The following SOAT1 variants were observed in gnomAD, a reference collection of about 807,000 sequenced individuals.
The protein encoded by SOAT1 is acyl-coenzyme A:cholesterol acyltransferase 1.
In SOAT1, 55 loss-of-function variants were observed where a neutral mutation model predicts 69.5. That is an observed-to-expected ratio of 0.79 (90% confidence interval 0.64 to 0.99). SOAT1 has a LOEUF of 0.99. Ranked by LOEUF, SOAT1 falls within the 50% of genes least tolerant of loss-of-function variation. The probability of loss-of-function intolerance (pLI) is 0.00; values close to 1 mark genes in which losing one functional copy is unlikely to be tolerated. For missense variants in SOAT1, 580 were observed against 669.3 expected, an observed-to-expected ratio of 0.87 and a Z score of 1.47; for synonymous variants, 231 against 224.7, an observed-to-expected ratio of 1.03 and a Z score of -0.25.
At chr1:179,327,399 C>T (rs1665829417) in intron 3 of SOAT1, among the ~76,000 whole-genome samples, 1 of 152,126 alleles carries the variant, frequency 6.6e-6, no homozygotes. Flanking sequence ...TCTCCAAGGT[C>T]CCTTTTAGCT....
At chr1:179,351,033 T>C (rs1217639300) in intron 14 of SOAT1, among the ~76,000 whole-genome samples, 82 of 3,994 alleles carry the variant, frequency 0.021, no homozygotes, top group Middle Eastern at 0.071. Context: ...TTTTTTTTTT[T>C]TTTTTTTTTT....
At chr1:179,295,009 T>C (rs1438544950) in intron 1 of SOAT1, among the ~76,000 whole-genome samples, 1 of 152,102 alleles carries the variant, frequency 6.6e-6, no homozygotes, top group African/African-American at 2.4e-5. Flanking sequence ...CTGTGCGTTG[T>C]CTGGGTGTGA....
In SOAT1 at chr1:179,324,637, A is replaced by G. The variant is rs575164371; in HGVS notation, c.177+1142A>G. Among the ~76,000 whole-genome samples the G allele has an allele frequency of 7.9e-5, 12 of 152,338 alleles. No individual in the cohort carries two copies. In the East Asian group the frequency reaches 2.3e-3, roughly 29 times the overall value. On this transcript the variant is annotated intron_variant, in intron 3 of 15. Coordinates refer to ENST00000367619, the MANE Select transcript of SOAT1 (RefSeq NM_003101.6). ...GTTACCTTTGTAAGCCTCCAGCACT[A>G]CAGTGATGAAGATCATTTCTGATGA...
At chr1:179,336,095 C>T (rs11810201) in intron 4 of SOAT1, among the ~76,000 whole-genome samples, 38,950 of 148,596 alleles carry the variant, frequency 0.26, 5,198 homozygotes, top group East Asian at 0.46. Context: ...ACCTAGGAGG[C>T]GGGGGTTGCA....
chr1:179,339,695 T>C, intron 6 of SOAT1, 150 bp downstream of exon 6: 1 of 535,446 alleles, frequency 1.9e-6, no homozygotes, highest in African/African-American at 2.0e-5. Flanking sequence ...CTGAAAAGTT[T>C]AACTGATGGA....
At position 179,347,611 on chromosome 1, in the gene SOAT1, C is replaced by G; in HGVS notation, c.1129C>G (p.Leu377Val). The change falls in exon 12 of 16, where the codon CTC becomes GTC. Residue 377 changes from leucine (L) to valine (V), a missense_variant. Transcript: ENST00000367619. ...FNSILPGVLI[L>V]FLTFFAFLHC... is the part of the protein sequence containing the mutation. The stretch of plus-strand genomic sequence containing the variant: ...AATCTTATTTTTAGGTGTGCTGATT[C>G]TCTTCCTTACTTTTTTTGCCTTTTT... 1.2e-6 allele frequency: 2 copies of G among 1,608,258 alleles called. No homozygotes were observed. Among genetic ancestry groups the G allele is most frequent in the Non-Finnish European group, 1.7e-6 (2 of 1,175,422 alleles).
At position 179,350,413 on chromosome 1, in the gene SOAT1, C is replaced by T. The variant is rs922441842; in HGVS notation, c.1432C>T (p.Leu478Phe). Reference sequence around the variant, plus strand: ...CTTTTTCTATCCCGTGCTCTTCGTGCTCTTCATGTTCTTTGGAAGTAAGTA... The same window carrying T: ...CTTTTTCTATCCCGTGCTCTTCGTGTTCTTCATGTTCTTTGGAAGTAAGTA... ...LSFFYPVLFV[L>F]FMFFGMAFNF... Residue 478 changes from leucine to phenylalanine, a missense_variant, in exon 14 of 16, where the codon CTC (leucine) becomes TTC (phenylalanine). Transcript: ENST00000367619. 3 of 1,613,816 alleles carry T rather than the reference C, an allele frequency of 1.9e-6. No individual in the cohort carries two copies. In the African/African-American group the frequency reaches 4.0e-5, roughly 22 times the overall value.
intron 2 of SOAT1, among the ~76,000 whole-genome samples, chr1:179,304,309 C>G (rs1342820414): frequency 7.1e-6 from 1 of 141,266 alleles, no homozygotes; most frequent in Non-Finnish European, 1.5e-5. Flanking sequence ...GACAGTTTTG[C>G]TTTTGTTGCC....
chr1:179,306,294 G>T (rs1571406759), intron 2 of SOAT1, among the ~76,000 whole-genome samples: 4 of 152,320 alleles, frequency 2.6e-5, no homozygotes, highest in Admixed American at 6.5e-5. Flanking sequence ...GGACCCTCCA[G>T]TGGGCCCAGG....
intron 1 of SOAT1, among the ~76,000 whole-genome samples, chr1:179,295,156 A>G (rs10798656): frequency 6.3e-4 from 96 of 152,018 alleles, no homozygotes; most frequent in African/African-American, 2.1e-3. Flanking sequence ...AGCACACTCT[A>G]TCTCTGGTTC....
intron 11 of SOAT1, among the ~76,000 whole-genome samples, chr1:179,345,365 C>T (rs1343283024): frequency 6.6e-6 from 1 of 152,134 alleles, no homozygotes; most frequent in Non-Finnish European, 1.5e-5. Flanking sequence ...TAATCTTGCT[C>T]CTGATTCCAC....
At chr1:179,329,416 C>T (rs1571433384) in intron 3 of SOAT1, among the ~76,000 whole-genome samples, 1 of 152,144 alleles carries the variant, frequency 6.6e-6, no homozygotes, top group Admixed American at 6.5e-5. Flanking sequence ...TTCAGTCATT[C>T]AAGTAACGCC....
At chr1:179,353,549 A>T (rs1429421383) in intron 15 of SOAT1, 36 bp from the exon 16 acceptor site, 2 of 1,585,522 alleles carry the variant, frequency 1.3e-6, no homozygotes, top group Non-Finnish European at 1.7e-6. Context: ...CTCTGTACAC[A>T]AATTATTTTT....
rs1666901896 is a variant in SOAT1 at position 179,356,252 on chromosome 1, T to C, written c.*2611T>C. The C allele has an allele frequency of 6.6e-6, 1 of 152,198 alleles. No individual in the cohort carries two copies. Among genetic ancestry groups the C allele is most frequent in the South Asian group, 2.1e-4 (1 of 4,836 alleles). 9.4% of individuals were successfully genotyped at this position (152,198 alleles called of 1,614,324 possible). Reference sequence around the variant, plus strand: ...GGCATATTAACCAACAGAACAATTATGTAGTATGTATATCACTTTCTCATT... The same window carrying C: ...GGCATATTAACCAACAGAACAATTACGTAGTATGTATATCACTTTCTCATT... On this transcript the variant is annotated 3_prime_UTR_variant, in exon 16 of 16. Transcript: ENST00000367619.
intron 1 of SOAT1, among the ~76,000 whole-genome samples, chr1:179,298,636 G>A (rs1400914499): frequency 6.6e-6 from 1 of 152,044 alleles, no homozygotes; most frequent in Non-Finnish European, 1.5e-5. Flanking sequence ...CGGGCTAAAT[G>A]TTTTTTGGGT....
At chr1:179,317,423 C>T (rs1329882304) in intron 2 of SOAT1, among the ~76,000 whole-genome samples, 1 of 151,010 alleles carries the variant, frequency 6.6e-6, no homozygotes, top group Non-Finnish European at 1.5e-5. Context: ...GTCCCAGCTA[C>T]TTGGGATGCT....
chr1:179,335,855 T>G lies in SOAT1; in HGVS notation c.329+198T>G, dbSNP rs145916520. Among the ~76,000 whole-genome samples the G allele has an allele frequency of 4.6e-5, 7 of 152,282 alleles. No individual in the cohort carries two copies. The East Asian group carries it at 1.4e-3, about 29-fold the overall frequency. ...CTTTACATATAAATTATAACATACA[T>G]GCATACCTCTTTTAACACTAATGCC... On this transcript the variant is annotated intron_variant, in intron 4 of 15. Coordinates refer to ENST00000367619, the MANE Select transcript of SOAT1 (RefSeq NM_003101.6).
Position 179,355,582 on chromosome 1 carries a change from G to C in SOAT1, c.*1941G>C, listed in dbSNP as rs538789240. 1 of 153,268 alleles carries C rather than the reference G, an allele frequency of 6.5e-6. No individual in the cohort carries two copies. Among genetic ancestry groups the C allele is most frequent in the Admixed American group, 6.5e-5 (1 of 15,268 alleles). 9.5% of individuals were successfully genotyped at this position (153,268 alleles called of 1,614,324 possible). ...TTTTGAGACAGAGTCTTGCTCTGTC[G>C]CCGGGGCTGGAGTGCAATGGCGTGA... On this transcript the variant is annotated 3_prime_UTR_variant, in exon 16 of 16. Transcript: ENST00000367619.
chr1:179,310,550 G>C (rs16853894), intron 2 of SOAT1, among the ~76,000 whole-genome samples: 31,436 of 151,974 alleles, frequency 0.21, 3,595 homozygotes, highest in East Asian at 0.46. Flanking sequence ...ATTACAGATG[G>C]ATTTTACTAT....
Sources: allele counts gnomAD v4.1 joint callset (sites outside exome capture counted in the v4.1 genomes callset), GRCh38; gene constraint gnomAD v4.1.1; transcripts MANE v1.5; gene names NCBI Gene and HGNC (gene_info 2026-07-23, HGNC 2026-07-21).